EDIL3: variants seen among roughly 807,000 people sequenced by gnomAD.
The protein encoded by EDIL3 is EGF-like repeat and discoidin I-like domain-containing protein 3.
A neutral mutation model predicts 67.4 loss-of-function variants in EDIL3; 37 were observed. The observed-to-expected ratio is 0.55, with a 90% CI of 0.42 to 0.72. The LOEUF (loss-of-function observed/expected upper bound fraction) is 0.72. Ranked by LOEUF, EDIL3 falls within the 30% of genes least tolerant of loss-of-function variation. The pLI, the probability that EDIL3 is intolerant of heterozygous loss-of-function variation, is 0.00. For missense variants in EDIL3, 527 were observed against 586.3 expected, an observed-to-expected ratio of 0.90 and a Z score of 1.04; for synonymous variants, 195 against 196.3, an observed-to-expected ratio of 0.99 and a Z score of 0.05.
chr5:83,966,830 TG>T (rs1744699406), intron 9 of EDIL3, among the ~76,000 whole-genome samples: 1 of 152,204 alleles, frequency 6.6e-6, no homozygotes, highest in East Asian at 1.9e-4. Context: ...ATTTAATATA[TG>T]TTTCAGAATA....
chr5:84,159,367 G>A lies in EDIL3; in HGVS notation c.355+21026C>T, dbSNP rs568279787. On this transcript the variant is annotated intron_variant, in intron 4 of 10. Transcript: ENST00000296591. ...AATCATACGTAGACCAAGTGTGTAG[G>A]TAGAAAATGGTGTCTTTAAATTAGC... is the stretch of plus-strand genomic sequence containing the variant. Among the ~76,000 whole-genome samples the A allele has an allele frequency of 1.2e-4, 19 of 152,076 alleles. No individual in the cohort carries two copies. The South Asian group carries it at 3.7e-3, about 30-fold the overall frequency.
At chr5:84,086,200 C>T (rs1372752834) in intron 6 of EDIL3, among the ~76,000 whole-genome samples, 3 of 152,122 alleles carry the variant, frequency 2.0e-5, no homozygotes, top group Admixed American at 6.5e-5. Context: ...TTCCAGGCAC[C>T]GCTAGGGTAC....
chr5:84,137,178 T>TATAC, intron 5 of EDIL3, 63 bp downstream of exon 5: 1 of 969,812 alleles, frequency 1.0e-6, no homozygotes, highest in South Asian at 1.6e-5. Flanking sequence ...TGTGTGTGTG[T>TATAC]ATACATACAC....
intron 3 of EDIL3, among the ~76,000 whole-genome samples, chr5:84,205,868 T>G (rs971304921): frequency 4.7e-5 from 7 of 150,420 alleles, no homozygotes; most frequent in Admixed American, 2.0e-4. Flanking sequence ...AACCAGCTCC[T>G]GGATTCATTA....
intron 1 of EDIL3, among the ~76,000 whole-genome samples, chr5:84,260,352 C>A (rs1214009863): frequency 6.6e-6 from 1 of 152,130 alleles, no homozygotes; most frequent in East Asian, 1.9e-4. Flanking sequence ...GTGGTCAGCC[C>A]TCATGATAGG....
chr5:84,188,605 C>T (rs1325427748), intron 3 of EDIL3, among the ~76,000 whole-genome samples: 4 of 151,508 alleles, frequency 2.6e-5, no homozygotes, highest in East Asian at 1.9e-4. Context: ...TTCAGGACCT[C>T]GGAATGTGAC....
intron 5 of EDIL3, among the ~76,000 whole-genome samples, chr5:84,130,705 A>G (rs1390303453): frequency 6.6e-6 from 1 of 152,140 alleles, no homozygotes; most frequent in East Asian, 1.9e-4. Context: ...TGCTCTTGTA[A>G]TTCACTAAAA....
chr5:84,007,712 G>C (rs1745443355), intron 9 of EDIL3, among the ~76,000 whole-genome samples: 2 of 152,264 alleles, frequency 1.3e-5, no homozygotes, highest in African/African-American at 4.8e-5. Context: ...TTGGAGAACA[G>C]TATGGAGATT....
At chr5:84,203,181 G>A (rs1165880371) in intron 3 of EDIL3, among the ~76,000 whole-genome samples, 1 of 152,062 alleles carries the variant, frequency 6.6e-6, no homozygotes, top group Admixed American at 6.6e-5. Flanking sequence ...ATTGAATTTT[G>A]CTTCCAAATA....
intron 3 of EDIL3, among the ~76,000 whole-genome samples, chr5:84,201,333 G>C (rs533775038): frequency 2.0e-5 from 3 of 152,122 alleles, no homozygotes; most frequent in Middle Eastern, 3.4e-3. Context: ...TCTAGTTTAG[G>C]ATTGTTTCTG....
At chr5:84,049,604 T>C (rs1746290661) in intron 9 of EDIL3, among the ~76,000 whole-genome samples, 1 of 152,136 alleles carries the variant, frequency 6.6e-6, no homozygotes, top group Non-Finnish European at 1.5e-5. Context: ...CAATTAGGAG[T>C]ATGGAATAAT....
At chr5:84,120,431 A>G (rs1204620791) in intron 5 of EDIL3, among the ~76,000 whole-genome samples, 1 of 152,018 alleles carries the variant, frequency 6.6e-6, no homozygotes, top group Non-Finnish European at 1.5e-5. Context: ...GCTTGATAAA[A>G]CACTACTTTA....
At chr5:84,070,580 A>C (rs1173770984) in intron 6 of EDIL3, among the ~76,000 whole-genome samples, 1 of 151,458 alleles carries the variant, frequency 6.6e-6, no homozygotes, top group Non-Finnish European at 1.5e-5. Flanking sequence ...TATACTAATA[A>C]GACATTTAGG....
chr5:84,036,993 G>C (rs1227907240), intron 9 of EDIL3, among the ~76,000 whole-genome samples: 1 of 152,144 alleles, frequency 6.6e-6, no homozygotes, highest in African/African-American at 2.4e-5. Flanking sequence ...CCTCACAAGA[G>C]GTAACTTCAG....
chr5:84,093,028 T>C (rs898995306), intron 6 of EDIL3, among the ~76,000 whole-genome samples: 3 of 152,166 alleles, frequency 2.0e-5, no homozygotes, highest in Admixed American at 2.0e-4. Context: ...ACTCCCCGTA[T>C]AAATATAAAT....
intron 9 of EDIL3, among the ~76,000 whole-genome samples, chr5:84,044,863 A>G (rs1473565032): frequency 6.6e-6 from 1 of 152,192 alleles, no homozygotes; most frequent in Non-Finnish European, 1.5e-5. Flanking sequence ...TGGGCTGCCG[A>G]GAAACAACCA....
intron 1 of EDIL3, among the ~76,000 whole-genome samples, chr5:84,268,591 G>A (rs1745397113): frequency 6.6e-6 from 1 of 152,064 alleles, no homozygotes; most frequent in South Asian, 2.1e-4. Context: ...AAGCTGCTCT[G>A]TACATAAAGA....
intron 2 of EDIL3, among the ~76,000 whole-genome samples, chr5:84,238,477 C>T (rs1235612502): frequency 6.6e-6 from 1 of 151,768 alleles, no homozygotes; most frequent in African/African-American, 2.4e-5. Flanking sequence ...TCATTTTGGT[C>T]AGGGGGAGTT....
chr5:84,208,685 CAAAAAAAAAAAAA>C (rs70975546), intron 3 of EDIL3, among the ~76,000 whole-genome samples: 2 of 59,410 alleles, frequency 3.4e-5, no homozygotes, highest in Non-Finnish European at 5.7e-5. Flanking sequence ...GACTCCGTCT[CAAAAAAAAAAAAA>C]AAAAAAAAAA....
Sources: gnomAD v4.1 joint callset for allele counts (sites outside exome capture counted in the v4.1 genomes callset) on GRCh38, gnomAD v4.1.1 for gene constraint, MANE v1.5 for transcripts, NCBI Gene and HGNC (gene_info 2026-07-23, HGNC 2026-07-21) for gene names.